The following TRPV5 variants were observed in gnomAD, a reference collection of about 807,000 sequenced individuals.
TRPV5 encodes transient receptor potential cation channel subfamily V member 5, also known as calcium transport protein 2.
Under a neutral mutation model 74.1 loss-of-function variants are expected in TRPV5, and 66 were observed. The ratio of observed to expected loss-of-function variants is 0.89; its 90% CI spans 0.73 to 1.09. TRPV5 has a LOEUF of 1.09. Among genes scored for constraint, TRPV5 ranks in the 50% least tolerant of loss-of-function variants. TRPV5 has a pLI of 0.00. For missense variants in TRPV5, 936 were observed against 930.4 expected (o/e 1.01, Z -0.08); for synonymous variants, 399 against 360.7 (o/e 1.11, Z -1.20).
intron 12 of TRPV5, among the ~76,000 whole-genome samples, chr7:142,913,362 C>T (rs1795736446): frequency 6.6e-6 from 1 of 152,180 alleles, no homozygotes; most frequent in Non-Finnish European, 1.5e-5. Context: ...CTCCTCACTG[C>T]ATAGGGAGCT....
intron 7 of TRPV5, among the ~76,000 whole-genome samples, chr7:142,927,092 T>C (rs1796002296): frequency 6.6e-6 from 1 of 152,136 alleles, no homozygotes; most frequent in Admixed American, 6.5e-5. Flanking sequence ...GGTCTATACG[T>C]TGCTCCCTCT....
chr7:142,931,174 C>G (rs904056963), intron 1 of TRPV5, among the ~76,000 whole-genome samples: 2 of 151,972 alleles, frequency 1.3e-5, no homozygotes, highest in Non-Finnish European at 2.9e-5. Context: ...AGGCACGCAC[C>G]ACCACGCCCA....
intron 8 of TRPV5, among the ~76,000 whole-genome samples, chr7:142,917,070 T>C (rs568673105): frequency 6.7e-6 from 1 of 150,352 alleles, no homozygotes; most frequent in Non-Finnish European, 1.5e-5. Flanking sequence ...GTGTGTCTGG[T>C]TTTTTTTTGT....
chr7:142,928,150 T>C lies in TRPV5; in HGVS notation c.847A>G (p.Ile283Val), dbSNP rs754065831. The C allele has an allele frequency of 6.2e-7, 1 of 1,614,136 alleles. No individual in the cohort carries two copies. The highest frequency in any genetic ancestry group is 1.7e-5 in the Admixed American group (1 of 60,018). Residue 283 changes from isoleucine to valine, a missense_variant, in exon 7 of 15, where the codon ATC (isoleucine) becomes GTC (valine). Transcript: ENST00000265310. ...GACAGCTCCTCTCCCCAGGAGTCGA[T>C]CTCCGTGAGGTCGTAGAGAATGGAG... ...LTSILYDLTE[I>V]DSWGEELSFL...
At chr7:142,924,287 C>A (rs993878737) in intron 8 of TRPV5, among the ~76,000 whole-genome samples, 1 of 89,248 alleles carries the variant, frequency 1.1e-5, no homozygotes, top group Non-Finnish European at 2.2e-5. Context: ...TATACATATA[C>A]ATGTATATAT....
intron 8 of TRPV5, among the ~76,000 whole-genome samples, chr7:142,917,000 CT>C (rs1299997379): frequency 1.4e-5 from 2 of 146,598 alleles, no homozygotes; most frequent in East Asian, 2.0e-4. Flanking sequence ...TAGCAAATTT[CT>C]TTTTTTACTT....
chr7:142,928,954 G>A (rs1172940713), intron 5 of TRPV5, 68 bp downstream of exon 5: 4 of 1,611,954 alleles, frequency 2.5e-6, no homozygotes, highest in Non-Finnish European at 3.4e-6. Flanking sequence ...AAAGGTCCCA[G>A]CTCCACTCCT....
Position 142,908,181 on chromosome 7 carries a change from C to A in TRPV5, c.*333G>T. 1 of 359,330 alleles carries A rather than the reference C, an allele frequency of 2.8e-6. No individual in the cohort carries two copies. The highest frequency in any genetic ancestry group is 5.1e-6 in the Non-Finnish European group (1 of 196,986). 22.3% of individuals were successfully genotyped at this position (359,330 alleles called of 1,614,324 possible). On this transcript the variant is annotated 3_prime_UTR_variant, in exon 15 of 15. Coordinates refer to ENST00000265310, the MANE Select transcript of TRPV5 (RefSeq NM_019841.7). ...CTGGGGAGCCAGAAAAGCCTCACAG[C>A]TTACTACTTTCTAGGGGCTGCGTGG...
intron 7 of TRPV5, among the ~76,000 whole-genome samples, chr7:142,926,729 A>C (rs1568759): frequency 0.047 from 7,155 of 152,250 alleles, 328 homozygotes; most frequent in African/African-American, 0.13. Flanking sequence ...TATTGAGAAT[A>C]GCTTAAATCA....
At chr7:142,909,116 C>A (rs536100791) in intron 14 of TRPV5, among the ~76,000 whole-genome samples, 2 of 152,114 alleles carry the variant, frequency 1.3e-5, no homozygotes, top group African/African-American at 4.8e-5. Context: ...AATAGATAAG[C>A]GTGTCACAAG....
chr7:142,930,939 G>A (rs1207241616), intron 1 of TRPV5, among the ~76,000 whole-genome samples: 3 of 151,742 alleles, frequency 2.0e-5, no homozygotes, highest in South Asian at 2.1e-4. Flanking sequence ...GGAATGGATC[G>A]ACTGCTAGAT....
At position 142,930,173 on chromosome 7, in the gene TRPV5, C is replaced by A; in HGVS notation, c.234G>T (p.Leu78=). Residue 78 remains leucine, a synonymous_variant, in exon 3 of 15, where the codon CTG becomes CTT. Coordinates refer to ENST00000265310, the MANE Select transcript of TRPV5 (RefSeq NM_019841.7). ...CTCDVRQRGA[L]GETALHIAAL... is the part of the protein sequence containing the mutation. ...CTGCTATGTGCAGCGCCGTCTCCCC[C>A]AGGGCTCCTGGATTGGAGTAAGACA... is the stretch of plus-strand genomic sequence containing the variant. The A allele has an allele frequency of 3.1e-6, 5 of 1,612,556 alleles. No homozygotes were observed. Among genetic ancestry groups the A allele is most frequent in the Non-Finnish European group, 4.2e-6 (5 of 1,179,594 alleles).
At position 142,908,734 on chromosome 7, in the gene TRPV5, T is replaced by A; in HGVS notation, c.1970A>T (p.Glu657Val). 6.2e-7 allele frequency: 1 copy of A among 1,614,178 alleles called. No individual in the cohort carries two copies. The highest frequency in any genetic ancestry group is 8.5e-7 in the Non-Finnish European group (1 of 1,180,050). The change falls in exon 15 of 15, where the codon GAG (glutamate) becomes GTG (valine). Residue 657 changes from glutamate to valine, a missense_variant. Glu to Val is a moderately radical substitution (Grantham distance 121). Coordinates refer to ENST00000265310, the MANE Select transcript of TRPV5 (RefSeq NM_019841.7). ...CTCAGATGGATGCTCCTGGTCATCC[T>A]CCTTGTCTGAGTTCTTGAACACTTC... ...YVEVFKNSDK[E>V]DDQEHPSEKQ...
At position 142,929,067 on chromosome 7, in the gene TRPV5, G is replaced by A; in HGVS notation, c.541C>T (p.Leu181=). The A allele has an allele frequency of 6.2e-7, 1 of 1,614,114 alleles. No individual in the cohort carries two copies. Among genetic ancestry groups the A allele is most frequent in the Middle Eastern group, 1.6e-4 (1 of 6,062 alleles). The change falls in exon 5 of 15, where the codon CTG becomes TTG. Residue 181 remains leucine, a synonymous_variant. Coordinates refer to ENST00000265310, the MANE Select transcript of TRPV5 (RefSeq NM_019841.7). ...ATGTCAGCTCCATGCTCAATGAGCA[G>A]CCGCACGATCTCCTCGCTGTTCACA... ...ACVNSEEIVR[L]LIEHGADIRA...
rs369644548 is a variant in TRPV5, at chr7:142,909,593, C to T, written c.1792G>A (p.Val598Met). ...CGCTCCAGCATCACTGTGGTGGCCACGACCTGGAAGGAGGCAGGAGATACA... is the reference window on the plus strand; with the variant it reads ...CGCTCCAGCATCACTGTGGTGGCCATGACCTGGAAGGAGGCAGGAGATACA... ...ERDELWRAQV[V>M]ATTVMLERKL... Residue 598 changes from valine (V) to methionine (M), a missense_variant, in exon 14 of 15, where the codon GTG becomes ATG. Physicochemically the swap from Val to Met is conservative, Grantham distance 21 (BLOSUM62 1). Transcript: ENST00000265310. 1.7e-5 allele frequency: 28 copies of T among 1,613,670 alleles called. No individual in the cohort carries two copies. The highest frequency in any genetic ancestry group is 3.3e-4 in the Middle Eastern group (2 of 6,062).
intron 8 of TRPV5, among the ~76,000 whole-genome samples, chr7:142,919,390 A>G (rs918149977): frequency 1.3e-5 from 2 of 152,176 alleles, no homozygotes; most frequent in Non-Finnish European, 2.9e-5. Context: ...CAAGTTAAGC[A>G]TTGCCTAAGA....
In TRPV5 at chr7:142,933,609, G is replaced by A. The variant is rs1796136398; in HGVS notation, c.-150C>T. 5 of 1,056,280 alleles carry A rather than the reference G, an allele frequency of 4.7e-6. No individual in the cohort carries two copies. Among genetic ancestry groups the A allele is most frequent in the African/African-American group, 1.6e-5 (1 of 62,622 alleles). 65.4% of individuals were successfully genotyped at this position (1,056,280 alleles called of 1,614,324 possible). ...GACTTGTGTATGCAGCATGCAGCTTGTAGGTGTGTGTGTGTGCATGCAGTA... is the reference window on the plus strand; with the variant it reads ...GACTTGTGTATGCAGCATGCAGCTTATAGGTGTGTGTGTGTGCATGCAGTA... On this transcript the variant is annotated 5_prime_UTR_variant, in exon 1 of 15. It introduces an in-frame stop codon into an upstream open reading frame of the 5' UTR. Coordinates refer to ENST00000265310, the MANE Select transcript of TRPV5 (RefSeq NM_019841.7).
chr7:142,918,618 G>A (rs1055626732), intron 8 of TRPV5, among the ~76,000 whole-genome samples: 18 of 152,222 alleles, frequency 1.2e-4, no homozygotes, highest in African/African-American at 2.4e-4. Flanking sequence ...AATCTTTATC[G>A]TCACAGAAAT....
At chr7:142,928,025 C>T in intron 7 of TRPV5, 63 bp downstream of exon 7, 1 of 1,600,382 alleles carries the variant, frequency 6.2e-7, no homozygotes, top group East Asian at 2.2e-5. Context: ...AGTAAGTGGA[C>T]AGACTCTGCA....
Sources: gnomAD v4.1 joint callset for allele counts (sites outside exome capture counted in the v4.1 genomes callset) on GRCh38, gnomAD v4.1.1 for gene constraint, MANE v1.5 for transcripts, NCBI Gene and HGNC (gene_info 2026-07-23, HGNC 2026-07-21) for gene names.